THUMPD2: variants seen among roughly 807,000 people sequenced by gnomAD.
THUMPD2 encodes the protein U6 snRNA (guanine-N(2))-methyltransferase THUMPD2.
THUMPD2 carries 56 observed loss-of-function variants against 49.4 expected under a neutral mutation model. That is an observed-to-expected ratio of 1.13 (90% CI 0.91 to 1.41). The LOEUF (loss-of-function observed/expected upper bound fraction) is 1.41, where lower values mean the gene tolerates loss of function less well. Among genes scored for constraint, THUMPD2 ranks in the 40% most tolerant of loss-of-function variants. The pLI, the probability that THUMPD2 is intolerant of heterozygous loss-of-function variation, is 0.00. For missense variants in THUMPD2, 709 were observed against 594.5 expected (o/e 1.19, Z -2.00); for synonymous variants, 237 against 205.2 (o/e 1.15, Z -1.32).
At chr2:39,778,372 T>C (rs572445397) in intron 1 of THUMPD2, among the ~76,000 whole-genome samples, 1 of 152,364 alleles carries the variant, frequency 6.6e-6, no homozygotes, top group East Asian at 1.9e-4. Flanking sequence ...CAGAAACTCC[T>C]TTTGTGGGCT....
chr2:39,767,012 T>A (rs983601318), intron 4 of THUMPD2, among the ~76,000 whole-genome samples: 1 of 152,226 alleles, frequency 6.6e-6, no homozygotes, highest in Non-Finnish European at 1.5e-5. Flanking sequence ...CAAATGTTAT[T>A]AAGAATAGCC....
intron 5 of THUMPD2, among the ~76,000 whole-genome samples, chr2:39,764,271 C>G (rs1447753566): frequency 6.6e-6 from 1 of 152,186 alleles, no homozygotes; most frequent in African/African-American, 2.4e-5. Context: ...AAGATTTTCA[C>G]GTGGGTTATC....
intron 5 of THUMPD2, among the ~76,000 whole-genome samples, chr2:39,765,744 G>A (rs1677431802): frequency 6.6e-6 from 1 of 152,056 alleles, no homozygotes; most frequent in African/African-American, 2.4e-5. Flanking sequence ...GAGTAGGGCA[G>A]CCTAGAAGCC....
chr2:39,763,432 A>G (rs1677091429), intron 5 of THUMPD2, among the ~76,000 whole-genome samples: 1 of 152,160 alleles, frequency 6.6e-6, no homozygotes, highest in African/African-American at 2.4e-5. Flanking sequence ...TCTTCAGTCT[A>G]CACTTGTCAC....
chr2:39,744,824 A>C (rs1324920032), intron 8 of THUMPD2, among the ~76,000 whole-genome samples: 1 of 152,148 alleles, frequency 6.6e-6, no homozygotes, highest in Non-Finnish European at 1.5e-5. Flanking sequence ...CCACAAAATT[A>C]TATTCTACAA....
At chr2:39,741,924 T>G (rs1254791236) in intron 9 of THUMPD2, among the ~76,000 whole-genome samples, 2 of 152,174 alleles carry the variant, frequency 1.3e-5, no homozygotes, top group African/African-American at 4.8e-5. Flanking sequence ...AAAAGGATTT[T>G]CAGTGGTATA....
At chr2:39,738,072 A>G (rs911603499) in intron 9 of THUMPD2, among the ~76,000 whole-genome samples, 3 of 152,212 alleles carry the variant, frequency 2.0e-5, no homozygotes, top group Admixed American at 2.0e-4. Context: ...AGCTAAAGCC[A>G]TAATGGTGGA....
intron 8 of THUMPD2, among the ~76,000 whole-genome samples, chr2:39,745,505 A>G (rs533484193): frequency 6.6e-6 from 1 of 152,326 alleles, no homozygotes; most frequent in Non-Finnish European, 1.5e-5. Flanking sequence ...GTACACATCC[A>G]TTTACAAAAT....
intron 8 of THUMPD2, among the ~76,000 whole-genome samples, chr2:39,746,277 T>C (rs950515002): frequency 6.6e-6 from 1 of 152,174 alleles, no homozygotes; most frequent in Non-Finnish European, 1.5e-5. Flanking sequence ...CAGGTGGGCC[T>C]CTCTCCTGCT....
chr2:39,778,991 G>C, intron 1 of THUMPD2, 123 bp downstream of exon 1: 2 of 1,261,352 alleles, frequency 1.6e-6, no homozygotes, highest in Non-Finnish European at 2.0e-6. Context: ...CTCGGGGGTC[G>C]GCGACCGTCG....
chr2:39,769,039 GAGACCTCATGTGCATTTGCAGTCTA>G, intron 3 of THUMPD2: 1 of 1,304,682 alleles, frequency 7.7e-7, no homozygotes, highest in Admixed American at 2.3e-5. Context: ...CTACATTGCT[GAGACCTCATGTGCATTTGCAGTCTA>G]GGTCCTGGTG....
chr2:39,741,744 T>C (rs1449315104), intron 9 of THUMPD2, among the ~76,000 whole-genome samples: 1 of 152,176 alleles, frequency 6.6e-6, no homozygotes, highest in Non-Finnish European at 1.5e-5. Context: ...AGCTCTGTAG[T>C]ACATACAGTA....
intron 8 of THUMPD2, among the ~76,000 whole-genome samples, chr2:39,746,240 C>T (rs1674575994): frequency 6.6e-6 from 1 of 152,172 alleles, no homozygotes; most frequent in Non-Finnish European, 1.5e-5. Flanking sequence ...TCTTGGGCAT[C>T]CAAGGTTGAG....
rs1397044016 is a variant in THUMPD2, at chr2:39,769,844, T to C, written c.538A>G (p.Lys180Glu). 1.2e-6 allele frequency: 2 copies of C among 1,612,626 alleles called. No individual in the cohort carries two copies. The highest frequency in any genetic ancestry group is 1.7e-6 in the Non-Finnish European group (2 of 1,179,580). ...TCTTCTTCTTGAAACTTTTCGCTTTTAGTGGTAAAATCTCTTTGCTCCAGA... is the reference window on the plus strand; with the variant it reads ...TCTTCTTCTTGAAACTTTTCGCTTTCAGTGGTAAAATCTCTTTGCTCCAGA... ...ETLEQRDFTT[K>E]SEKFQEEEFQ... Residue 180 changes from lysine to glutamate, a missense_variant, in exon 3 of 10, where the codon AAA becomes GAA. Coordinates refer to ENST00000505747, the MANE Select transcript of THUMPD2 (RefSeq NM_025264.5).
chr2:39,758,060 G>C (rs1676367015), intron 6 of THUMPD2, among the ~76,000 whole-genome samples: 1 of 152,168 alleles, frequency 6.6e-6, no homozygotes, highest in African/African-American at 2.4e-5. Context: ...CAAATACACA[G>C]TAAGGAAAAG....
In THUMPD2 at chr2:39,746,067, C is replaced by T. The variant is rs181393864; in HGVS notation, c.1079-1589G>A. 1.6e-3 allele frequency among the ~76,000 whole-genome samples: 245 copies of T among 152,298 alleles called. 1 individual carries two copies. Among genetic ancestry groups the T allele is most frequent in the African/African-American group, 5.6e-3 (231 of 41,558 alleles). ...TAATATATGGAAGACATTTAGAACACGGCCTGGCACAAAGTGAGCATTCAG... is the reference window on the plus strand; with the variant it reads ...TAATATATGGAAGACATTTAGAACATGGCCTGGCACAAAGTGAGCATTCAG... On this transcript the variant is annotated intron_variant, in intron 8 of 9. Coordinates refer to ENST00000505747, the MANE Select transcript of THUMPD2 (RefSeq NM_025264.5).
intron 8 of THUMPD2, among the ~76,000 whole-genome samples, chr2:39,748,064 G>C (rs1674845280): frequency 2.6e-5 from 4 of 152,088 alleles, no homozygotes; most frequent in African/African-American, 9.7e-5. Flanking sequence ...GTGTTTTTAG[G>C]GAAAGATGAT....
chr2:39,743,592 T>A (rs192135037), intron 9 of THUMPD2, among the ~76,000 whole-genome samples: 1 of 152,184 alleles, frequency 6.6e-6, no homozygotes, highest in Non-Finnish European at 1.5e-5. Flanking sequence ...GGGGTGATAA[T>A]TGAGTTCTCA....
intron 6 of THUMPD2, among the ~76,000 whole-genome samples, chr2:39,759,871 C>T (rs1007559772): frequency 5.3e-5 from 8 of 152,120 alleles, no homozygotes; most frequent in Non-Finnish European, 7.3e-5. Flanking sequence ...GACAGTATAT[C>T]GTTTAAATAC....
Sources: allele counts gnomAD v4.1 joint callset (sites outside exome capture counted in the v4.1 genomes callset), GRCh38; gene constraint gnomAD v4.1.1; transcripts MANE v1.5; gene names NCBI Gene and HGNC (gene_info 2026-07-23, HGNC 2026-07-21).